NTAN1: variants seen among roughly 807,000 people sequenced by gnomAD.
The protein encoded by NTAN1 is N-terminal asparagine amidase, also known as protein N-terminal asparagine amidohydrolase.
In NTAN1, 32 loss-of-function variants were observed where a neutral mutation model predicts 41.9. The observed-to-expected ratio is 0.76, with a 90% CI of 0.58 to 1.03. NTAN1 has a LOEUF of 1.03. Among genes scored for constraint, NTAN1 ranks in the 50% least tolerant of loss-of-function variants. The pLI, the probability that NTAN1 is intolerant of heterozygous loss-of-function variation, is 0.00. For synonymous variants in NTAN1, 140 were observed against 139.5 expected (o/e 1.00, Z -0.03); for missense variants, 377 against 377.5 (o/e 1.00, Z 0.01).
chr16:15,038,161 A>G lies in NTAN1; in HGVS notation c.803T>C (p.Ile268Thr), dbSNP rs574727086. 3.1e-6 allele frequency: 5 copies of G among 1,613,566 alleles called. No individual in the cohort carries two copies. The highest frequency in any genetic ancestry group is 1.7e-5 in the Admixed American group (1 of 59,976). Residue 268 changes from isoleucine to threonine, a missense_variant, in exon 10 of 10, where the codon ATT (isoleucine) becomes ACT (threonine). Transcript: ENST00000287706. The stretch of plus-strand genomic sequence containing the variant: ...TTTTAAAAACATCAAGGTAGATCTA[A>G]TATGTTCAACAAAGTGGGGTGGCTC... ...LAEPPHFVEH[I>T]RSTLMFLKKH... is the part of the protein sequence containing the mutation.
At chr16:15,039,688 C>G (rs1228526532) in intron 8 of NTAN1, among the ~76,000 whole-genome samples, 4 of 152,160 alleles carry the variant, frequency 2.6e-5, no homozygotes, top group Non-Finnish European at 4.4e-5. Context: ...AAAGCTCTTA[C>G]AAAGTAACAG....
intron 1 of NTAN1, among the ~76,000 whole-genome samples, chr16:15,050,160 CTTAT>C (rs2044241324): frequency 6.6e-6 from 1 of 152,188 alleles, no homozygotes; most frequent in Non-Finnish European, 1.5e-5. Flanking sequence ...TTTGTACACA[CTTAT>C]TTAGTAAGCT....
At chr16:15,038,936 T>C (rs999039544) in intron 8 of NTAN1, among the ~76,000 whole-genome samples, 2 of 152,196 alleles carry the variant, frequency 1.3e-5, no homozygotes, top group Non-Finnish European at 2.9e-5. Context: ...TTTTCCCATT[T>C]GGGGTGAAAA....
chr16:15,040,185 C>T lies in NTAN1; in HGVS notation c.542-119G>A, dbSNP rs1158658356. On this transcript the variant is annotated intron_variant, in intron 7 of 9. Transcript: ENST00000287706. ...GATAGGAAAGTGAACAGAATGGCTC[C>T]TAAGTATCTGGACTTCCCCCTCCCT... is the stretch of plus-strand genomic sequence containing the variant. 5.5e-6 allele frequency: 3 copies of T among 541,964 alleles called. No homozygotes were observed. The East Asian group carries it at 9.2e-5, about 17-fold the overall frequency. 33.6% of individuals were successfully genotyped at this position (541,964 alleles called of 1,614,324 possible).
intron 4 of NTAN1, 104 bp downstream of exon 4, chr16:15,047,338 G>A (rs777735030): frequency 1.2e-5 from 9 of 772,774 alleles, no homozygotes; most frequent in Non-Finnish European, 1.6e-5. Context: ...AGGCAGACAC[G>A]GCAGTGGTGG....
At chr16:15,052,892 C>G (rs1412169349) in intron 1 of NTAN1, among the ~76,000 whole-genome samples, 2 of 152,098 alleles carry the variant, frequency 1.3e-5, no homozygotes, top group Non-Finnish European at 2.9e-5. Context: ...ATCTTGTAGA[C>G]TCTGTGGAAC....
chr16:15,044,285 G>T, intron 5 of NTAN1, 49 bp downstream of exon 5: 3 of 1,264,786 alleles, frequency 2.4e-6, no homozygotes, highest in East Asian at 2.3e-5. Flanking sequence ...GCAAATATGG[G>T]TACATATTTA....
rs2043658444 is a variant in NTAN1, at chr16:15,038,626, G to A, written c.701C>T (p.Pro234Leu). ...CAACCAGAAATCCACATGTGGAAATGGTGTCCAGGAGTACGGTCCTATACG... is the reference window on the plus strand; with the variant it reads ...CAACCAGAAATCCACATGTGGAAATAGTGTCCAGGAGTACGGTCCTATACG... ...QLRIGPYSWTPFPHVDFWLHQ... is the reference protein window; with the variant it reads ...QLRIGPYSWTLFPHVDFWLHQ... The change falls in exon 9 of 10, where the codon CCA becomes CTA. Residue 234 changes from proline (P) to leucine (L), a missense_variant. Physicochemically the swap from Pro to Leu is moderately conservative, Grantham distance 98 (BLOSUM62 -3). Transcript: ENST00000287706. 3.7e-6 allele frequency: 6 copies of A among 1,610,282 alleles called. No individual in the cohort carries two copies. The highest frequency in any genetic ancestry group is 2.2e-5 in the East Asian group (1 of 44,872).
At chr16:15,051,174 T>G (rs978410098) in intron 1 of NTAN1, among the ~76,000 whole-genome samples, 5 of 152,254 alleles carry the variant, frequency 3.3e-5, no homozygotes, top group Non-Finnish European at 5.9e-5. Flanking sequence ...AACACTCATG[T>G]TCACAATTGG....
At chr16:15,045,189 C>T (rs148176189) in intron 4 of NTAN1, 11,975 of 149,958 alleles carry the variant, frequency 0.08, 661 homozygotes, top group Non-Finnish European at 0.11. Context: ...CCCAGCTACT[C>T]GGGAAGCTGA....
At chr16:15,052,290 A>G (rs2044323486) in intron 1 of NTAN1, among the ~76,000 whole-genome samples, 1 of 152,200 alleles carries the variant, frequency 6.6e-6, no homozygotes, top group Non-Finnish European at 1.5e-5. Flanking sequence ...TTCCCATGTT[A>G]CAAAATATTA....
intron 1 of NTAN1, 26 bp from the exon 2 acceptor site, chr16:15,048,125 T>C (rs749824086): frequency 6.2e-6 from 9 of 1,460,060 alleles, no homozygotes; most frequent in African/African-American, 2.9e-5. Flanking sequence ...AAAAATAAAA[T>C]AGTGATGTAA....
intron 4 of NTAN1, chr16:15,044,711 C>T: frequency 2.4e-6 from 1 of 411,788 alleles, no homozygotes; most frequent in Non-Finnish European, 4.4e-6. Flanking sequence ...AGGACAGGTG[C>T]AGTGGCTCAC....
intron 7 of NTAN1, chr16:15,040,465 T>C (rs913336247): frequency 3.2e-5 from 6 of 189,900 alleles, no homozygotes; most frequent in African/African-American, 1.2e-4. Flanking sequence ...TTACAGAGAA[T>C]AGAACAGTGA....
chr16:15,041,229 G>A, intron 6 of NTAN1, 108 bp from the exon 7 acceptor site: 1 of 741,038 alleles, frequency 1.3e-6, no homozygotes, highest in Non-Finnish European at 2.4e-6. Flanking sequence ...AGAAAGGGAG[G>A]AAAATTCCAG....
At chr16:15,052,116 C>T (rs1163837263) in intron 1 of NTAN1, among the ~76,000 whole-genome samples, 2 of 152,100 alleles carry the variant, frequency 1.3e-5, no homozygotes, top group Admixed American at 6.5e-5. Context: ...CTGAAAAAGG[C>T]CAGACAGTAA....
At position 15,038,671 on chromosome 16, in the gene NTAN1, T is replaced by C; in HGVS notation, c.656A>G (p.Asp219Gly). 1.3e-6 allele frequency: 2 copies of C among 1,574,576 alleles called. No homozygotes were observed. Among genetic ancestry groups the C allele is most frequent in the Non-Finnish European group, 1.7e-6 (2 of 1,148,030 alleles). ...LAGGPMISIY[D>G]AETEQLRIGP... ...TATACGAAGTTGTTCTGTCTCTGCATCATAAATGCTAATCATCTAAAAAAG... is the reference window on the plus strand; with the variant it reads ...TATACGAAGTTGTTCTGTCTCTGCACCATAAATGCTAATCATCTAAAAAAG... Residue 219 changes from aspartate to glycine, a missense_variant, in exon 9 of 10, where the codon GAT (aspartate) becomes GGT (glycine). Physicochemically the swap from Asp to Gly is moderately conservative, Grantham distance 94 (BLOSUM62 -1). Transcript: ENST00000287706.
At chr16:15,055,813 T>G (rs1222903234) in intron 1 of NTAN1, 78 bp downstream of exon 1, 5 of 772,346 alleles carry the variant, frequency 6.5e-6, no homozygotes, top group Non-Finnish European at 8.8e-6. Context: ...CAAGTCTGTG[T>G]CGCGTGAGGG....
intron 8 of NTAN1, 113 bp from the exon 9 acceptor site, chr16:15,038,800 C>T: frequency 1.6e-6 from 1 of 613,816 alleles, no homozygotes; most frequent in East Asian, 2.8e-5. Flanking sequence ...GCCTAAGCTT[C>T]TTAAAACCTG....
Sources: allele counts gnomAD v4.1 joint callset (sites outside exome capture counted in the v4.1 genomes callset), GRCh38; gene constraint gnomAD v4.1.1; transcripts MANE v1.5; gene names NCBI Gene and HGNC (gene_info 2026-07-23, HGNC 2026-07-21).